LAMA2: variants seen among roughly 807,000 people sequenced by gnomAD.
LAMA2 encodes the protein laminin subunit alpha-2.
Under a neutral mutation model 364.8 loss-of-function variants are expected in LAMA2, and 269 were observed. The observed-to-expected ratio is 0.74, with a 90% CI of 0.67 to 0.82. LAMA2 has a LOEUF of 0.82. Ranked by LOEUF, LAMA2 falls within the 40% of genes least tolerant of loss-of-function variation. The pLI, the probability that LAMA2 is intolerant of heterozygous loss-of-function variation, is 0.00. For missense variants in LAMA2, 3,807 were observed against 3,873.2 expected, an observed-to-expected ratio of 0.98 and a Z score of 0.45; for synonymous variants, 1,379 against 1,370.6, an observed-to-expected ratio of 1.01 and a Z score of -0.14.
chr6:129,155,285 A>T (rs1562282620), intron 8 of LAMA2, among the ~76,000 whole-genome samples: 1 of 152,118 alleles, frequency 6.6e-6, no homozygotes, highest in Non-Finnish European at 1.5e-5. Context: ...GGATAGGTAG[A>T]TGCTTAACTT....
intron 12 of LAMA2, among the ~76,000 whole-genome samples, chr6:129,193,248 C>A (rs1781639963): frequency 6.6e-6 from 1 of 152,146 alleles, no homozygotes; most frequent in Non-Finnish European, 1.5e-5. Flanking sequence ...TATTTCATTT[C>A]AAAACTGATA....
chr6:129,332,854 C>T (rs185059073), intron 29 of LAMA2, among the ~76,000 whole-genome samples: 26 of 139,844 alleles, frequency 1.9e-4, no homozygotes, highest in Non-Finnish European at 7.7e-5. Context: ...AGAAGTTTAT[C>T]AGTTGATTCA....
intron 40 of LAMA2, 33 bp downstream of exon 40, chr6:129,403,992 G>T (rs1472661098): frequency 1.2e-6 from 2 of 1,612,086 alleles, no homozygotes; most frequent in African/African-American, 1.3e-5. Context: ...GCTGGGAATG[G>T]AAGTCAACCT....
intron 58 of LAMA2, among the ~76,000 whole-genome samples, chr6:129,498,185 G>A (rs559592294): frequency 6.6e-6 from 1 of 152,296 alleles, no homozygotes; most frequent in East Asian, 1.9e-4. Flanking sequence ...AAACCTCACA[G>A]TTTAAAATGT....
intron 14 of LAMA2, among the ~76,000 whole-genome samples, chr6:129,258,328 G>A (rs537102187): frequency 2.7e-4 from 41 of 152,058 alleles, no homozygotes; most frequent in African/African-American, 3.6e-4. Context: ...ATGATAGCTC[G>A]AAGGTAGAAA....
intron 12 of LAMA2, among the ~76,000 whole-genome samples, chr6:129,226,848 C>A (rs545165002): frequency 1.3e-5 from 2 of 152,088 alleles, no homozygotes; most frequent in Non-Finnish European, 2.9e-5. Context: ...TTGTGGCATT[C>A]TCTGTGTTTC....
intron 3 of LAMA2, among the ~76,000 whole-genome samples, chr6:129,066,038 G>GTTTT (rs544271722): frequency 0.022 from 797 of 36,980 alleles, 72 homozygotes; most frequent in African/African-American, 0.046. Context: ...CCAGTCTCAG[G>GTTTT]TTTTTTTTTT....
chr6:129,040,943 A>G (rs1248047609), intron 1 of LAMA2, among the ~76,000 whole-genome samples: 1 of 152,372 alleles, frequency 6.6e-6, no homozygotes. Flanking sequence ...GGGATGATGC[A>G]GGAGGTGATA....
chr6:129,448,025 A>C (rs62421014), intron 45 of LAMA2, among the ~76,000 whole-genome samples: 23,192 of 152,124 alleles, frequency 0.15, 1,850 homozygotes, highest in East Asian at 0.21. Flanking sequence ...TGGTGGCTCA[A>C]GCCTGTCATC....
At chr6:129,152,752 T>C (rs1374809971) in intron 7 of LAMA2, among the ~76,000 whole-genome samples, 2 of 152,176 alleles carry the variant, frequency 1.3e-5, no homozygotes, top group African/African-American at 4.8e-5. Flanking sequence ...TGTGTGGTGT[T>C]ATTTGTAAAG....
intron 32 of LAMA2, among the ~76,000 whole-genome samples, chr6:129,354,073 G>A (rs778142642): frequency 1.3e-5 from 2 of 152,238 alleles, no homozygotes; most frequent in East Asian, 1.9e-4. Context: ...CTCTTCTATA[G>A]TATTCTTTTC....
chr6:129,154,714 T>C, intron 8 of LAMA2, 31 bp downstream of exon 8: 1 of 1,585,442 alleles, frequency 6.3e-7, no homozygotes, highest in Non-Finnish European at 8.7e-7. Flanking sequence ...CATAAAGAGT[T>C]ATTTTTTTGC....
chr6:129,249,198 C>A (rs146171754), intron 12 of LAMA2, among the ~76,000 whole-genome samples: 1 of 152,026 alleles, frequency 6.6e-6, no homozygotes, highest in Non-Finnish European at 1.5e-5. Flanking sequence ...GCCAACCCTG[C>A]GAAGCCAAGT....
At position 129,435,351 on chromosome 6, in the gene LAMA2, A is replaced by C. The variant is rs9375625; in HGVS notation, c.5969-3295A>C. On this transcript the variant is annotated intron_variant, in intron 41 of 64. Coordinates refer to ENST00000421865, the MANE Select transcript of LAMA2 (RefSeq NM_000426.4). ...CTTTATTCTCAAAGAATTTGTATAG[A>C]TATCACAGTCATAATCAGACTGGCT... Among the ~76,000 whole-genome samples the C allele has an allele frequency of 5.5e-4, 84 of 152,322 alleles. 1 individual carries two copies. The East Asian group carries it at 0.015, about 27-fold the overall frequency.
chr6:129,208,681 G>T (rs9321155), intron 12 of LAMA2, among the ~76,000 whole-genome samples: 9,776 of 82,888 alleles, frequency 0.12, 389 homozygotes, highest in African/African-American at 0.27. Context: ...GAAAGAGAAG[G>T]AAAGAAAGAA....
intron 12 of LAMA2, among the ~76,000 whole-genome samples, chr6:129,222,336 C>T (rs985185703): frequency 2.6e-5 from 4 of 150,970 alleles, no homozygotes; most frequent in Non-Finnish European, 5.9e-5. Context: ...TAGAATAATG[C>T]CTGGTACATA....
At chr6:128,940,725 G>C (rs1464435932) in intron 1 of LAMA2, among the ~76,000 whole-genome samples, 1 of 152,184 alleles carries the variant, frequency 6.6e-6, no homozygotes, top group East Asian at 1.9e-4. Context: ...ACCAGGGTGA[G>C]AGAATCGCTT....
intron 1 of LAMA2, among the ~76,000 whole-genome samples, chr6:128,942,291 A>G (rs1582733336): frequency 6.6e-6 from 1 of 152,060 alleles, no homozygotes; most frequent in East Asian, 1.9e-4. Context: ...GAGGTTTTTT[A>G]CTCAAGAGCT....
chr6:129,067,519 C>A (rs891675921), intron 3 of LAMA2, among the ~76,000 whole-genome samples: 3 of 152,190 alleles, frequency 2.0e-5, no homozygotes, highest in African/African-American at 7.2e-5. Context: ...GCAGTCACAG[C>A]AATCTCATTA....
Sources: gnomAD v4.1 joint callset for allele counts (sites outside exome capture counted in the v4.1 genomes callset) on GRCh38, gnomAD v4.1.1 for gene constraint, MANE v1.5 for transcripts, NCBI Gene and HGNC (gene_info 2026-07-23, HGNC 2026-07-21) for gene names.